Variants in WASHC2C observed in about 807,000 individuals in gnomAD.
WASHC2C encodes the protein Vaccinia Penetration Factor.
In WASHC2C, 73 loss-of-function variants were observed where a neutral mutation model predicts 142.2. That is an observed-to-expected ratio of 0.51 (90% confidence interval 0.43 to 0.62). The LOEUF (loss-of-function observed/expected upper bound fraction) is 0.62. Ranked by LOEUF, WASHC2C falls within the 20% of genes least tolerant of loss-of-function variation. The probability of loss-of-function intolerance (pLI) is 0.00; values close to 1 mark genes in which losing one functional copy is unlikely to be tolerated. For synonymous variants in WASHC2C, 337 were observed against 565.5 expected, an observed-to-expected ratio of 0.60 and a Z score of 5.73; for missense variants, 969 against 1,531.7, an observed-to-expected ratio of 0.63 and a Z score of 6.13.
chr10:45,742,446 A>T (rs1554868584), intron 5 of WASHC2C, among the ~76,000 whole-genome samples: 1 of 151,598 alleles, frequency 6.6e-6, no homozygotes, highest in African/African-American at 2.4e-5. Context: ...TCCTGAGTAA[A>T]TGGGATTATA....
intron 23 of WASHC2C, among the ~76,000 whole-genome samples, chr10:45,780,979 C>T (rs2057459190): frequency 6.6e-6 from 1 of 151,560 alleles, no homozygotes. Context: ...ACCTTGAACT[C>T]TTGACCTCAG....
chr10:45,743,181 C>T (rs1385997507), intron 5 of WASHC2C, among the ~76,000 whole-genome samples: 110 of 151,990 alleles, frequency 7.2e-4, no homozygotes, highest in Non-Finnish European at 1.3e-3. Context: ...CCGGCCTTAC[C>T]TTGACATCTT....
intron 23 of WASHC2C, among the ~76,000 whole-genome samples, chr10:45,781,366 A>G (rs1461118053): frequency 6.6e-6 from 1 of 152,220 alleles, no homozygotes; most frequent in African/African-American, 2.4e-5. Context: ...AGCTGATCCT[A>G]AAATTTTTAT....
upstream of WASHC2C, chr10:45,727,141 C>T (rs2049938371): frequency 7.0e-7 from 1 of 1,430,140 alleles, no homozygotes; most frequent in Non-Finnish European, 9.1e-7. Flanking sequence ...CAGTCCACTT[C>T]CGCAGCTTCC....
In WASHC2C at chr10:45,727,480, T is replaced by G; in HGVS notation, c.67T>G (p.Trp23Gly). ...GTCGGAGCCCGTGTGGGAGCGGCCG[T>G]GGTCGGTGGAGGAGATCCGCAGGAG... is the stretch of plus-strand genomic sequence containing the variant. ...PASEPVWERP[W>G]SVEEIRRSSQ... The change falls in exon 2 of 31, where the codon TGG (tryptophan) becomes GGG (glycine). Residue 23 changes from tryptophan to glycine, a missense_variant. By Grantham distance (184) the Trp-to-Gly change is radical. Coordinates refer to ENST00000623400, the MANE Select transcript of WASHC2C (RefSeq NM_001330074.2). 1 of 1,608,380 alleles carries G rather than the reference T, an allele frequency of 6.2e-7. No individual in the cohort carries two copies. The highest frequency in any genetic ancestry group is 8.5e-7 in the Non-Finnish European group (1 of 1,178,600).
chr10:45,789,299 T>C lies in WASHC2C; in HGVS notation c.3516T>C (p.Phe1172=). The C allele has an allele frequency of 1.2e-6, 2 of 1,612,072 alleles. No homozygotes were observed. The highest frequency in any genetic ancestry group is 1.7e-6 in the Non-Finnish European group (2 of 1,179,862). ...GTGGTAAAGCAAAGAGCCCCATGTT[T>C]CCTGCTCTAGGCGAGGCCAGCAGTG... ...PVGGKAKSPM[F]PALGEASSDD... Residue 1172 remains phenylalanine (F), a synonymous_variant, in exon 29 of 31, where the codon TTT becomes TTC. Coordinates refer to ENST00000623400, the MANE Select transcript of WASHC2C (RefSeq NM_001330074.2).
chr10:45,751,412 G>T (rs1401688146), intron 10 of WASHC2C, 70 bp from the exon 11 acceptor site: 6 of 740,656 alleles, frequency 8.1e-6, no homozygotes, highest in Middle Eastern at 3.9e-4. Context: ...GATGACAGAC[G>T]TGGAAAGAAC....
Position 45,777,429 on chromosome 10 carries a change from G to A in WASHC2C, c.2295+4G>A, listed in dbSNP as rs781857450. ...TGATGTGGCTGAGTCAGAAAAGGTG[G>A]ACTTTTTTTCTTGTATACTTGAATG... On this transcript the variant is annotated splice_donor_region_variant and intron_variant, in intron 22 of 30. Coordinates refer to ENST00000623400, the MANE Select transcript of WASHC2C (RefSeq NM_001330074.2). The A allele has an allele frequency of 2.5e-6, 4 of 1,609,972 alleles. No homozygotes were observed. The highest frequency in any genetic ancestry group is 1.4e-5 in the African/African-American group (1 of 73,794).
At position 45,791,609 on chromosome 10, in the gene WASHC2C, G is replaced by A. The variant is rs1322840327; in HGVS notation, c.3887-652G>A. On this transcript the variant is annotated intron_variant, in intron 30 of 30. Coordinates refer to ENST00000623400, the MANE Select transcript of WASHC2C (RefSeq NM_001330074.2). ...TATATTTAGCCATTAGCCTGTTGACGGCAATCTCGATTGTTTCTGTTTTCT... is the reference window on the plus strand; with the variant it reads ...TATATTTAGCCATTAGCCTGTTGACAGCAATCTCGATTGTTTCTGTTTTCT... 5.5e-5 allele frequency among the ~76,000 whole-genome samples: 8 copies of A among 145,874 alleles called. No individual in the cohort carries two copies. In the South Asian group the frequency reaches 1.1e-3, roughly 20 times the overall value.
At chr10:45,762,279 C>T (rs2055204330) in intron 17 of WASHC2C, among the ~76,000 whole-genome samples, 1 of 152,266 alleles carries the variant, frequency 6.6e-6, no homozygotes, top group East Asian at 1.9e-4. Flanking sequence ...ATGGTGGGAT[C>T]TTGGCTCACT....
intron 15 of WASHC2C, among the ~76,000 whole-genome samples, chr10:45,756,656 T>G (rs1554877350): frequency 6.6e-6 from 1 of 152,202 alleles, no homozygotes; most frequent in African/African-American, 2.4e-5. Context: ...CCTTCATTTC[T>G]CAGATTCCTT....
At chr10:45,777,447 C>T (rs1164011697) in intron 22 of WASHC2C, 22 bp downstream of exon 22, 2 of 1,611,044 alleles carry the variant, frequency 1.2e-6, no homozygotes, top group Non-Finnish European at 1.7e-6. Flanking sequence ...TTCTTGTATA[C>T]TTGAATGCAT....
At chr10:45,786,450 G>A in intron 26 of WASHC2C, 162 bp from the exon 27 acceptor site, 1 of 847,428 alleles carries the variant, frequency 1.2e-6, no homozygotes, top group Non-Finnish European at 2.0e-6. Flanking sequence ...GTGAAGTAGT[G>A]CTAGTGAAAC....
intron 3 of WASHC2C, among the ~76,000 whole-genome samples, chr10:45,734,172 C>T (rs1230039705): frequency 3.9e-5 from 6 of 152,094 alleles, no homozygotes; most frequent in African/African-American, 1.4e-4. Flanking sequence ...TTGCAGTGAG[C>T]CGAGATCCCG....
Position 45,753,261 on chromosome 10 carries a change from G to A in WASHC2C, c.1180+24G>A, listed in dbSNP as rs782797964. 28 of 1,233,644 alleles carry A rather than the reference G, an allele frequency of 2.3e-5. 8 individuals carry two copies. Among genetic ancestry groups the A allele is most frequent in the South Asian group, 3.0e-5 (2 of 65,962 alleles). 76.4% of individuals were successfully genotyped at this position (1,233,644 alleles called of 1,614,324 possible). A position where few individuals can be genotyped will look rare whatever the true frequency, so the allele number is the denominator to read the frequency against. On this transcript the variant is annotated intron_variant, in intron 13 of 30. Coordinates refer to ENST00000623400, the MANE Select transcript of WASHC2C (RefSeq NM_001330074.2). ...GGGTAAGCTGGGGCTGGGCAGCTGC[G>A]TCTCCGTGTGCAGAGTTCCAAAACT...
At chr10:45,754,735 A>G (rs1554876418) in intron 14 of WASHC2C, among the ~76,000 whole-genome samples, 190 bp downstream of exon 14, 1 of 152,106 alleles carries the variant, frequency 6.6e-6, no homozygotes, top group African/African-American at 2.4e-5. Context: ...GTGGCCTTGG[A>G]CTTTTTTGTG....
At chr10:45,768,250 A>G (rs1210097691) in intron 19 of WASHC2C, among the ~76,000 whole-genome samples, 23 of 151,290 alleles carry the variant, frequency 1.5e-4, no homozygotes, top group Middle Eastern at 3.5e-3. Flanking sequence ...AAAAAAAAAA[A>G]AAAAAGAAAG....
At chr10:45,735,860 A>G (rs1240568719) in intron 3 of WASHC2C, among the ~76,000 whole-genome samples, 1 of 152,222 alleles carries the variant, frequency 6.6e-6, no homozygotes, top group African/African-American at 2.4e-5. Context: ...TGCTAGTGAC[A>G]GGGAATTCTA....
intron 21 of WASHC2C, among the ~76,000 whole-genome samples, chr10:45,773,857 G>A (rs1373568827): frequency 2.1e-5 from 3 of 141,610 alleles, no homozygotes; most frequent in Admixed American, 1.4e-4. Flanking sequence ...AAAACCCAGG[G>A]TGGAGCTTAT....
Sources: gnomAD v4.1 joint callset for allele counts (sites outside exome capture counted in the v4.1 genomes callset) on GRCh38, gnomAD v4.1.1 for gene constraint, MANE v1.5 for transcripts, NCBI Gene and HGNC (gene_info 2026-07-23, HGNC 2026-07-21) for gene names.